The following PCM1 variants were observed in gnomAD, a reference collection of about 807,000 sequenced individuals.
PCM1 encodes pericentriolar material 1 protein.
In PCM1, 157 loss-of-function variants were observed where a neutral mutation model predicts 241.9. That is an observed-to-expected ratio of 0.65 (90% CI 0.57 to 0.74). The LOEUF (loss-of-function observed/expected upper bound fraction) is 0.74, where lower values mean the gene tolerates loss of function less well. PCM1 is among the 30% of genes least tolerant of loss of function. The pLI is 0.00. For missense variants in PCM1, 3,478 were observed against 2,360.1 expected (o/e 1.47, Z -9.81); for synonymous variants, 1,085 against 784.9 (o/e 1.38, Z -6.39).
At chr8:18,019,328 G>A (rs2093574065) in intron 36 of PCM1, among the ~76,000 whole-genome samples, 1 of 152,200 alleles carries the variant, frequency 6.6e-6, no homozygotes, top group Admixed American at 6.5e-5. Context: ...TAGAGCGGCT[G>A]TCCTCAGCCT....
intron 36 of PCM1, among the ~76,000 whole-genome samples, chr8:18,020,489 C>T (rs772486292): frequency 1.3e-5 from 2 of 152,122 alleles, no homozygotes; most frequent in Non-Finnish European, 2.9e-5. Context: ...TCTGCTTAAC[C>T]CTACCACTTT....
At position 17,993,580 on chromosome 8, in the gene PCM1, A is replaced by G. The variant is rs371857756; in HGVS notation, c.4788A>G (p.Gln1596=). Reference sequence around the variant, plus strand: ...TTGATACTCAGCAGCTGGACCGGCAAATTAAAGCAATTATGAAAGAAGTCA... The same window carrying G: ...TTGATACTCAGCAGCTGGACCGGCAGATTAAAGCAATTATGAAAGAAGTCA... ...PRIDTQQLDR[Q]IKAIMKEVIP... The change falls in exon 29 of 39, where the codon CAA becomes CAG. Residue 1596 remains glutamine (Q), a synonymous_variant. Coordinates refer to ENST00000325083, the MANE Select transcript of PCM1 (RefSeq NM_006197.4). The G allele has an allele frequency of 2.5e-6, 4 of 1,593,932 alleles. No homozygotes were observed. Among genetic ancestry groups the G allele is most frequent in the East Asian group, 2.3e-5 (1 of 44,344 alleles).
At position 17,939,679 on chromosome 8, in the gene PCM1, T is replaced by A. The variant is rs2061470029; in HGVS notation, c.613-12T>A. The A allele has an allele frequency of 6.8e-7, 1 of 1,466,522 alleles. No homozygotes were observed. The allele number at this position is 1,466,522 out of a possible 1,614,324, so 90.8% of individuals were successfully genotyped here. A position where few individuals can be genotyped will look rare whatever the true frequency, so the allele number is the denominator to read the frequency against. ...TTTCATGCTTTTTTTAAAAAAAATA[T>A]TTCCCCTGCAGATTGTAAGCAGGCT... On this transcript the variant is annotated splice_polypyrimidine_tract_variant and intron_variant, in intron 5 of 38. Coordinates refer to ENST00000325083, the MANE Select transcript of PCM1 (RefSeq NM_006197.4).
rs1043539401 is a variant in PCM1, at chr8:17,966,596, G to T, written c.3221+123G>T. ...CATATTTGGACATTCTCTTTCCCTT[G>T]AGAATTTTATAAGTGGTGATTTACC... On this transcript the variant is annotated intron_variant, in intron 20 of 38. Coordinates refer to ENST00000325083, the MANE Select transcript of PCM1 (RefSeq NM_006197.4). The T allele has an allele frequency of 1.4e-4, 108 of 771,332 alleles. 1 individual carries two copies. The East Asian group carries it at 2.4e-3, about 17-fold the overall frequency. 47.8% of individuals were successfully genotyped at this position (771,332 alleles called of 1,614,324 possible).
rs2073216949 is a variant in PCM1, at chr8:17,963,029, A to G, written c.2464-72A>G. 7 of 1,024,218 alleles carry G rather than the reference A, an allele frequency of 6.8e-6. No homozygotes were observed. The East Asian group carries it at 1.0e-4, about 15-fold the overall frequency. 63.4% of individuals were successfully genotyped at this position (1,024,218 alleles called of 1,614,324 possible). A position where few individuals can be genotyped will look rare whatever the true frequency, so the allele number is the denominator to read the frequency against. On this transcript the variant is annotated intron_variant, in intron 16 of 38. Transcript: ENST00000325083. ...AACCTTTGTTGATACTGACAATACT[A>G]GTAGTCTTTTACTCTTTTAGGCTAC...
intron 29 of PCM1, among the ~76,000 whole-genome samples, chr8:17,995,888 C>A (rs914630670): frequency 6.6e-6 from 1 of 152,108 alleles, no homozygotes; most frequent in Non-Finnish European, 1.5e-5. Flanking sequence ...TTGTATCCTG[C>A]AACTTTACTG....
chr8:17,973,876 A>C (rs566882082), intron 23 of PCM1, among the ~76,000 whole-genome samples: 92 of 152,334 alleles, frequency 6.0e-4, no homozygotes, highest in African/African-American at 1.9e-3. Context: ...AAGAAAATAC[A>C]CTTGTAAACT....
intron 22 of PCM1, among the ~76,000 whole-genome samples, chr8:17,970,661 C>A (rs888706748): frequency 6.6e-6 from 1 of 152,068 alleles, no homozygotes; most frequent in Non-Finnish European, 1.5e-5. Context: ...GAATGAATAT[C>A]CATCACGAGC....
chr8:17,998,093 T>C (rs2087642933), intron 29 of PCM1, among the ~76,000 whole-genome samples: 1 of 152,062 alleles, frequency 6.6e-6, no homozygotes, highest in African/African-American at 2.4e-5. Flanking sequence ...TTTGTTTGAG[T>C]TTCCTCAAGA....
chr8:17,967,078 C>G lies in PCM1; in HGVS notation c.3320C>G (p.Ser1107Cys). 6.2e-7 allele frequency: 1 copy of G among 1,609,110 alleles called. No homozygotes were observed. Among genetic ancestry groups the G allele is most frequent in the South Asian group, 1.1e-5 (1 of 89,948 alleles). Residue 1107 changes from serine to cysteine, a missense_variant, in exon 21 of 39, where the codon TCT becomes TGT. Physicochemically the swap from Ser to Cys is moderately radical, Grantham distance 112. Coordinates refer to ENST00000325083, the MANE Select transcript of PCM1 (RefSeq NM_006197.4). ...GGCAGTAGTGCATCGCACCCTCCTT[C>G]TCCCAGTTTATTTTGTCCTTTCAGC... ...ERGSSASHPPSPSLFCPFSFP... is the reference protein window; with the variant it reads ...ERGSSASHPPCPSLFCPFSFP...
At position 17,962,189 on chromosome 8, in the gene PCM1, ACTCTC is replaced by A; in HGVS notation, c.2463+16_2463+20del. The A allele has an allele frequency of 6.3e-7, 1 of 1,588,258 alleles. No individual in the cohort carries two copies. The highest frequency in any genetic ancestry group is 8.6e-7 in the Non-Finnish European group (1 of 1,165,292). On this transcript the variant is annotated intron_variant, in intron 16 of 38. Transcript: ENST00000325083. Reference sequence around the variant, plus strand: ...TAGATAATGAGGTATTGTAAATTGTACTCTCTTGTTCCTGAGTTAGTCTTTTGTTT... The same window carrying A: ...TAGATAATGAGGTATTGTAAATTGTATTGTTCCTGAGTTAGTCTTTTGTTT...
intron 3 of PCM1, among the ~76,000 whole-genome samples, chr8:17,936,713 T>C (rs1476857529): frequency 1.3e-5 from 2 of 152,194 alleles, no homozygotes; most frequent in East Asian, 3.8e-4. Flanking sequence ...AAAACAGTAA[T>C]TAGGTTTAGA....
At chr8:18,018,903 T>TAC (rs1451666761) in intron 36 of PCM1, among the ~76,000 whole-genome samples, 1,784 of 128,368 alleles carry the variant, frequency 0.014, 26 homozygotes, top group Non-Finnish European at 0.019. Flanking sequence ...CATACACATA[T>TAC]ATATATATAA....
intron 6 of PCM1, chr8:17,940,230 A>G (rs1312122074): frequency 7.8e-6 from 6 of 769,768 alleles, no homozygotes; most frequent in African/African-American, 3.5e-5. Flanking sequence ...TCAAGATGTT[A>G]TTTTTATAGG....
intron 15 of PCM1, among the ~76,000 whole-genome samples, chr8:17,961,257 A>C (rs2071801286): frequency 1.3e-5 from 2 of 149,514 alleles, no homozygotes; most frequent in Non-Finnish European, 1.5e-5. Flanking sequence ...TAATATGGGA[A>C]GGGGATAATA....
intron 28 of PCM1, 45 bp from the exon 29 acceptor site, chr8:17,993,438 A>G (rs2085494037): frequency 2.9e-6 from 4 of 1,390,312 alleles, no homozygotes; most frequent in East Asian, 2.5e-5. Context: ...ATATGTATAT[A>G]TAATAGGCTT....
In PCM1 at chr8:17,950,728, A is replaced by C; in HGVS notation, c.1071+4A>C. 6.7e-7 allele frequency: 1 copy of C among 1,493,170 alleles called. No homozygotes were observed. The highest frequency in any genetic ancestry group is 9.2e-7 in the Non-Finnish European group (1 of 1,081,876). 92.5% of individuals were successfully genotyped at this position (1,493,170 alleles called of 1,614,324 possible). On this transcript the variant is annotated splice_donor_region_variant and intron_variant, in intron 8 of 38. Transcript: ENST00000325083. Reference sequence around the variant, plus strand: ...TAATCAGCTTCGTGATTCTCAGGTAACCTAGATGTTTTAGTATAGTTGAGT... The same window carrying C: ...TAATCAGCTTCGTGATTCTCAGGTACCCTAGATGTTTTAGTATAGTTGAGT...
chr8:17,992,294 C>A (rs996315485), intron 28 of PCM1, among the ~76,000 whole-genome samples: 6 of 152,164 alleles, frequency 3.9e-5, no homozygotes, highest in African/African-American at 1.4e-4. Flanking sequence ...GGTGGATCTA[C>A]TTTCAGTTGT....
chr8:17,954,449 A>C (rs1176311825), intron 9 of PCM1, among the ~76,000 whole-genome samples: 2 of 151,704 alleles, frequency 1.3e-5, no homozygotes, highest in Non-Finnish European at 2.9e-5. Flanking sequence ...AAAAGAAAAG[A>C]AAAAAACAAC....
Sources: gnomAD v4.1 joint callset for allele counts (sites outside exome capture counted in the v4.1 genomes callset) on GRCh38, gnomAD v4.1.1 for gene constraint, MANE v1.5 for transcripts, NCBI Gene and HGNC (gene_info 2026-07-23, HGNC 2026-07-21) for gene names.